Variants in PBRM1 observed in about 807,000 individuals in gnomAD.
The protein encoded by PBRM1 is polybromo 1.
A neutral mutation model predicts 194.5 loss-of-function variants in PBRM1; 27 were observed. That is an observed-to-expected ratio of 0.14 (90% CI 0.10 to 0.19). The LOEUF (loss-of-function observed/expected upper bound fraction) is 0.19. Among genes scored for constraint, PBRM1 ranks in the 10% least tolerant of loss-of-function variants. The pLI is 1.00. For missense variants in PBRM1, 1,466 were observed against 2,077.2 expected, an observed-to-expected ratio of 0.71 and a Z score of 5.72; for synonymous variants, 655 against 693.2, an observed-to-expected ratio of 0.94 and a Z score of 0.87.
At chr3:52,573,794 C>T (rs767515835) in intron 22 of PBRM1, among the ~76,000 whole-genome samples, 2 of 152,138 alleles carry the variant, frequency 1.3e-5, no homozygotes, top group African/African-American at 2.4e-5. Flanking sequence ...AAAAAAGTGA[C>T]TGAAACTTGG....
At chr3:52,578,677 G>A (rs1039226867) in intron 21 of PBRM1, among the ~76,000 whole-genome samples, 3 of 152,240 alleles carry the variant, frequency 2.0e-5, no homozygotes, top group Non-Finnish European at 4.4e-5. Flanking sequence ...ACACCGATAT[G>A]TGATATATAC....
chr3:52,658,262 A>G, exon 5 of PBRM1: 2 of 1,613,420 alleles, frequency 1.2e-6, no homozygotes, highest in Non-Finnish European at 8.5e-7. Context: ...TTGTAGCTAC[A>G]ACTATGGCTT....
intron 20 of PBRM1, among the ~76,000 whole-genome samples, chr3:52,583,235 C>G (rs550038864): frequency 6.6e-6 from 1 of 151,522 alleles, no homozygotes; most frequent in African/African-American, 2.4e-5. Context: ...CATGGTGAAA[C>G]CCTGTCTCTA....
At chr3:52,672,286 T>C (rs930911126) in intron 2 of PBRM1, among the ~76,000 whole-genome samples, 4 of 152,178 alleles carry the variant, frequency 2.6e-5, no homozygotes, top group South Asian at 4.1e-4. Flanking sequence ...GTGATTACAC[T>C]GGACCCACAT....
intron 17 of PBRM1, among the ~76,000 whole-genome samples, chr3:52,593,745 G>A (rs541732486): frequency 6.6e-6 from 1 of 152,120 alleles, no homozygotes; most frequent in African/African-American, 2.4e-5. Flanking sequence ...GGTTTTGAGT[G>A]ATTTTGTCTT....
chr3:52,658,807 T>A (rs2153871148), intron 4 of PBRM1, among the ~76,000 whole-genome samples: 1 of 152,322 alleles, frequency 6.6e-6, no homozygotes, highest in African/African-American at 2.4e-5. Flanking sequence ...ATGAACCTAA[T>A]GAGGTGCCTT....
chr3:52,561,012 T>C (rs2083393585), intron 25 of PBRM1, among the ~76,000 whole-genome samples: 1 of 152,142 alleles, frequency 6.6e-6, no homozygotes, highest in South Asian at 2.1e-4. Flanking sequence ...GGAAAAAATA[T>C]AGCTCAAAGG....
At chr3:52,561,344 A>G (rs2083467561) in intron 25 of PBRM1, among the ~76,000 whole-genome samples, 1 of 152,224 alleles carries the variant, frequency 6.6e-6, no homozygotes, top group Non-Finnish European at 1.5e-5. Context: ...ACTCAGCCTG[A>G]AGTTTAAATA....
chr3:52,597,855 C>A (rs918405599), intron 17 of PBRM1, among the ~76,000 whole-genome samples: 1 of 152,146 alleles, frequency 6.6e-6, no homozygotes, highest in Non-Finnish European at 1.5e-5. Context: ...AGGCATGTAC[C>A]ACCACACCCG....
chr3:52,555,502 T>C (rs758405778), intron 26 of PBRM1, among the ~76,000 whole-genome samples: 2 of 152,220 alleles, frequency 1.3e-5, no homozygotes, highest in Non-Finnish European at 2.9e-5. Flanking sequence ...CAGTGAATGA[T>C]ATTTCCTTCT....
At chr3:52,589,133 G>C (rs2092758197) in exon 18 of PBRM1, 1 of 1,613,134 alleles carries the variant, frequency 6.2e-7, no homozygotes, top group Admixed American at 1.7e-5. Context: ...GCCTCTGCAG[G>C]TTCCACATAG....
At chr3:52,656,682 TAAA>T (rs1160394301) in intron 5 of PBRM1, among the ~76,000 whole-genome samples, 1 of 152,082 alleles carries the variant, frequency 6.6e-6, no homozygotes, top group Non-Finnish European at 1.5e-5. Context: ...AATAAATAAA[TAAA>T]AAAGATTTAG....
intron 11 of PBRM1, 141 bp from the exon 13 acceptor site, chr3:52,629,176 T>C (rs777357111): frequency 2.2e-5 from 14 of 644,588 alleles, no homozygotes; most frequent in Non-Finnish European, 3.1e-5. Flanking sequence ...AAAATGACTT[T>C]TGAGATACAA....
At chr3:52,552,016 T>C (rs1195995778) in intron 27 of PBRM1, 1 of 152,192 alleles carries the variant, frequency 6.6e-6, no homozygotes, top group Non-Finnish European at 1.5e-5. Flanking sequence ...AAATAACAAG[T>C]AAAAAAGCTT....
chr3:52,668,396 A>G (rs2096881766), intron 3 of PBRM1, 102 bp downstream of exon 4: 1 of 766,822 alleles, frequency 1.3e-6, no homozygotes, highest in Admixed American at 3.4e-5. Context: ...CAAGCCACAA[A>G]AAGAAACTAC....
intron 15 of PBRM1, among the ~76,000 whole-genome samples, chr3:52,613,338 T>C (rs2094753623): frequency 9.2e-6 from 1 of 108,484 alleles, no homozygotes; most frequent in Non-Finnish European, 1.7e-5. Flanking sequence ...GACTATTCTG[T>C]TTTTTTTTTT....
chr3:52,573,454 C>T (rs1008607771), intron 22 of PBRM1, among the ~76,000 whole-genome samples: 8 of 152,064 alleles, frequency 5.3e-5, no homozygotes, highest in Non-Finnish European at 7.4e-5. Flanking sequence ...CCACCACGCC[C>T]GGCTAATTTT....
chr3:52,602,599 C>G (rs6780005), intron 17 of PBRM1, among the ~76,000 whole-genome samples: 11,158 of 152,256 alleles, frequency 0.073, 973 homozygotes, highest in African/African-American at 0.21. Flanking sequence ...CTTGGGCCAT[C>G]AAAGTTGCAG....
intron 17 of PBRM1, among the ~76,000 whole-genome samples, chr3:52,597,213 C>T (rs193039748): frequency 6.6e-6 from 1 of 152,306 alleles, no homozygotes; most frequent in East Asian, 1.9e-4. Flanking sequence ...GTGTTTTCTA[C>T]CCTCTTTCAG....
Sources: gnomAD v4.1 joint callset for allele counts (sites outside exome capture counted in the v4.1 genomes callset) on GRCh38, gnomAD v4.1.1 for gene constraint, MANE v1.5 for transcripts, NCBI Gene and HGNC (gene_info 2026-07-23, HGNC 2026-07-21) for gene names.